The following GCNT2 variants were observed in gnomAD, a reference collection of about 807,000 sequenced individuals.
GCNT2 encodes glucosaminyl (N-acetyl) transferase 2 (I blood group).
GCNT2 carries 34 observed loss-of-function variants against 34.2 expected under a neutral mutation model. That is an observed-to-expected ratio of 1.00 (90% confidence interval 0.76 to 1.32). The LOEUF is 1.32. Ranked by LOEUF, GCNT2 falls within the 40% of genes most tolerant of loss-of-function variation. GCNT2 has a pLI of 0.00. For missense variants in GCNT2, 584 were observed against 489.4 expected (o/e 1.19, Z -1.82); for synonymous variants, 212 against 188.0 (o/e 1.13, Z -1.04).
intron 3 of GCNT2, among the ~76,000 whole-genome samples, chr6:10,587,353 C>T (rs1764402640): frequency 6.6e-6 from 1 of 152,170 alleles, no homozygotes; most frequent in South Asian, 2.1e-4. Context: ...TACAGGGGTA[C>T]TTACTGGTTT....
intron 3 of GCNT2, chr6:10,575,164 G>A (rs111940622): frequency 4.8e-6 from 2 of 420,460 alleles, no homozygotes. Flanking sequence ...ACAACTCCAT[G>A]TTTTCTAAAA....
chr6:10,578,649 T>C (rs1478015398), intron 3 of GCNT2, among the ~76,000 whole-genome samples: 1 of 151,968 alleles, frequency 6.6e-6, no homozygotes. Flanking sequence ...GGTTTCATCG[T>C]GTTAGCCAGG....
At chr6:10,562,243 C>T (rs1245026593) in intron 3 of GCNT2, among the ~76,000 whole-genome samples, 2 of 152,144 alleles carry the variant, frequency 1.3e-5, no homozygotes, top group African/African-American at 4.8e-5. Context: ...CGAGATGGTC[C>T]CCCTATCTCT....
chr6:10,526,793 AC>A (rs1331164187), intron 1 of GCNT2, among the ~76,000 whole-genome samples: 2 of 152,142 alleles, frequency 1.3e-5, no homozygotes, highest in Non-Finnish European at 1.5e-5. Flanking sequence ...GTGTTTAGAA[AC>A]TATCTACGAT....
At chr6:10,546,763 T>G (rs534239972) in intron 3 of GCNT2, among the ~76,000 whole-genome samples, 2 of 152,188 alleles carry the variant, frequency 1.3e-5, no homozygotes, top group Admixed American at 1.3e-4. Context: ...TAAAGCTGAT[T>G]TTTATGAAAG....
rs1193425712 is a variant in GCNT2 at position 10,628,479 on chromosome 6, CA to C, written c.*1874del. 1 of 152,128 alleles carries C rather than the reference CA, an allele frequency of 6.6e-6. No individual in the cohort carries two copies. The allele number at this position is 152,128 out of a possible 1,614,324, so 9.4% of individuals were successfully genotyped here. The stretch of plus-strand genomic sequence containing the variant: ...TAAGGAATAGGGACAGCTGGTCACA[CA>C]AGGAACTCTTGAAGGCCACATGTGA... On this transcript the variant is annotated 3_prime_UTR_variant, in exon 5 of 5. Coordinates refer to ENST00000495262, the MANE Select transcript of GCNT2 (RefSeq NM_145649.5).
At chr6:10,601,802 G>A (rs913807218) in intron 3 of GCNT2, among the ~76,000 whole-genome samples, 11 of 151,986 alleles carry the variant, frequency 7.2e-5, no homozygotes, top group Non-Finnish European at 1.3e-4. Context: ...TTAGCCGGGC[G>A]TGGTGGCGGG....
At chr6:10,525,114 C>T (rs780883223) in intron 1 of GCNT2, among the ~76,000 whole-genome samples, 10 of 152,092 alleles carry the variant, frequency 6.6e-5, no homozygotes, top group Non-Finnish European at 1.2e-4. Flanking sequence ...AAAGGAACCC[C>T]TTTTTTTCTG....
chr6:10,540,082 AAAAAGGAAGGAAAGGAAGGAAGG>A (rs1761968843), intron 3 of GCNT2, among the ~76,000 whole-genome samples: 1 of 151,326 alleles, frequency 6.6e-6, no homozygotes, highest in Non-Finnish European at 1.5e-5. Context: ...CATCTCAAAA[AAAAAGGAAGGAAAGGAAGGAAGG>A]AAAAGGAAGA....
chr6:10,535,525 C>T (rs962562318), intron 3 of GCNT2, among the ~76,000 whole-genome samples: 2 of 152,172 alleles, frequency 1.3e-5, no homozygotes, highest in African/African-American at 4.8e-5. Flanking sequence ...TCCCACTTTC[C>T]TCCTGAGTTA....
At chr6:10,593,849 T>A (rs145237339) in intron 3 of GCNT2, among the ~76,000 whole-genome samples, 185 of 152,300 alleles carry the variant, frequency 1.2e-3, no homozygotes, top group Non-Finnish European at 2.2e-3. Flanking sequence ...TCTCCTTCCA[T>A]CCTCCTTTGT....
intron 3 of GCNT2, among the ~76,000 whole-genome samples, chr6:10,592,110 G>A (rs1161512764): frequency 6.6e-5 from 10 of 152,186 alleles, no homozygotes; most frequent in Non-Finnish European, 1.0e-4. Context: ...TCACCAGGAC[G>A]TTCGAGTCTA....
chr6:10,617,750 CT>C (rs3064178), intron 3 of GCNT2, among the ~76,000 whole-genome samples: 5,614 of 101,572 alleles, frequency 0.055, 148 homozygotes, highest in South Asian at 0.16. Context: ...TGCATTTCTT[CT>C]TTTTTTTTTT....
chr6:10,614,642 AAAAG>A (rs1433794757), intron 3 of GCNT2, among the ~76,000 whole-genome samples: 114 of 147,676 alleles, frequency 7.7e-4, no homozygotes, highest in South Asian at 7.3e-3. Flanking sequence ...AAAAAAAAAA[AAAAG>A]AGAAAAAGAA....
chr6:10,525,665 T>G (rs1329022044), intron 1 of GCNT2, among the ~76,000 whole-genome samples: 1 of 152,192 alleles, frequency 6.6e-6, no homozygotes, highest in Non-Finnish European at 1.5e-5. Flanking sequence ...TGTCTAGCAT[T>G]GTCAAAGATA....
At chr6:10,622,300 G>A (rs1766068180) in intron 4 of GCNT2, among the ~76,000 whole-genome samples, 1 of 152,126 alleles carries the variant, frequency 6.6e-6, no homozygotes, top group African/African-American at 2.4e-5. Context: ...CACAGACTGG[G>A]TGCTTAATAG....
chr6:10,551,108 G>A (rs1762459830), intron 3 of GCNT2, among the ~76,000 whole-genome samples: 1 of 152,100 alleles, frequency 6.6e-6, no homozygotes, highest in South Asian at 2.1e-4. Flanking sequence ...ATTTTCCAAG[G>A]CCCCAAATGT....
chr6:10,618,855 T>C (rs969438329), intron 3 of GCNT2, among the ~76,000 whole-genome samples: 1 of 139,118 alleles, frequency 7.2e-6, no homozygotes, highest in Non-Finnish European at 1.5e-5. Context: ...TTGAATACTT[T>C]TATTAAATAA....
At chr6:10,599,880 G>T (rs1054808893) in intron 3 of GCNT2, among the ~76,000 whole-genome samples, 1 of 152,210 alleles carries the variant, frequency 6.6e-6, no homozygotes, top group African/African-American at 2.4e-5. Flanking sequence ...TTGTGGTGAT[G>T]AAGTTTTTTT....
Sources: gnomAD v4.1 joint callset for allele counts (sites outside exome capture counted in the v4.1 genomes callset) on GRCh38, gnomAD v4.1.1 for gene constraint, MANE v1.5 for transcripts, NCBI Gene and HGNC (gene_info 2026-07-23, HGNC 2026-07-21) for gene names.